Variants in TRAPPC9 observed in about 807,000 individuals in gnomAD.
TRAPPC9 encodes the protein IKK2 binding protein.
TRAPPC9 carries 83 observed loss-of-function variants against 124.0 expected under a neutral mutation model. The observed-to-expected ratio is 0.67, with a 90% confidence interval of 0.56 to 0.80. The LOEUF (loss-of-function observed/expected upper bound fraction) is 0.80, where lower values mean the gene tolerates loss of function less well. Ranked by LOEUF, TRAPPC9 falls within the 30% of genes least tolerant of loss-of-function variation. TRAPPC9 has a pLI of 0.00. For missense variants in TRAPPC9, 1,302 were observed against 1,508.3 expected, an observed-to-expected ratio of 0.86 and a Z score of 2.27; for synonymous variants, 638 against 617.5, an observed-to-expected ratio of 1.03 and a Z score of -0.49.
chr8:140,124,721 G>A (rs2061053069), intron 17 of TRAPPC9, among the ~76,000 whole-genome samples: 1 of 151,984 alleles, frequency 6.6e-6, no homozygotes, highest in South Asian at 2.1e-4. Flanking sequence ...GACCCTCCGA[G>A]GGGAGGACCA....
intron 19 of TRAPPC9, among the ~76,000 whole-genome samples, chr8:139,969,659 A>C (rs1177479155): frequency 6.6e-6 from 1 of 152,238 alleles, no homozygotes; most frequent in Non-Finnish European, 1.5e-5. Flanking sequence ...GTAGAGCACA[A>C]AGGTGTCAGC....
intron 19 of TRAPPC9, among the ~76,000 whole-genome samples, chr8:139,935,814 C>T (rs1406062258): frequency 6.6e-6 from 1 of 152,132 alleles, no homozygotes; most frequent in African/African-American, 2.4e-5. Flanking sequence ...TTTAACACAA[C>T]TTCAGAACAA....
chr8:139,910,951 A>C (rs181685199), intron 19 of TRAPPC9, among the ~76,000 whole-genome samples: 202 of 152,306 alleles, frequency 1.3e-3, no homozygotes, highest in Middle Eastern at 6.8e-3. Flanking sequence ...TTAATGTTGA[A>C]ATCAGTTAAG....
At chr8:140,263,861 C>T (rs1221019335) in intron 15 of TRAPPC9, among the ~76,000 whole-genome samples, 4 of 152,172 alleles carry the variant, frequency 2.6e-5, no homozygotes, top group African/African-American at 7.2e-5. Flanking sequence ...CCTGGCTACC[C>T]GGAGCCGGCT....
chr8:140,298,268 A>G (rs2065868893), intron 11 of TRAPPC9, among the ~76,000 whole-genome samples: 1 of 152,202 alleles, frequency 6.6e-6, no homozygotes, highest in African/African-American at 2.4e-5. Flanking sequence ...AGGCATTCGG[A>G]TAATTTACAA....
intron 2 of TRAPPC9, among the ~76,000 whole-genome samples, chr8:140,450,229 C>T (rs1281855653): frequency 3.9e-5 from 6 of 152,244 alleles, no homozygotes; most frequent in African/African-American, 1.2e-4. Flanking sequence ...GGCATGGTGG[C>T]ACCTGCCTGT....
chr8:140,294,269 C>G (rs1235525696), intron 11 of TRAPPC9, among the ~76,000 whole-genome samples: 1 of 152,090 alleles, frequency 6.6e-6, no homozygotes, highest in Non-Finnish European at 1.5e-5. Context: ...GGGAGCTCAC[C>G]CGACCTCCTC....
rs775832304 is a variant in TRAPPC9 at position 140,287,645 on chromosome 8, G to A, written c.1944C>T (p.Val648=). Residue 648 remains valine, a synonymous_variant, in exon 13 of 23, where the codon GTC becomes GTT. Coordinates refer to ENST00000438773, the MANE Select transcript of TRAPPC9 (RefSeq NM_001160372.4). ...AESGLYPVTL[V]GVPQTTGTIT... The stretch of plus-strand genomic sequence containing the variant: ...TCGTTCCAGTCGTCTGCGGGACCCC[G>A]ACGAGCGTCACTGGGTACAGACCAG... 24 of 1,614,028 alleles carry A rather than the reference G, an allele frequency of 1.5e-5. No homozygotes were observed. The highest frequency in any genetic ancestry group is 4.5e-5 in the East Asian group (2 of 44,894).
intron 9 of TRAPPC9, among the ~76,000 whole-genome samples, chr8:140,341,076 C>G (rs780515562): frequency 6.6e-6 from 1 of 152,166 alleles, no homozygotes; most frequent in African/African-American, 2.4e-5. Context: ...AAAAAGGCAA[C>G]TGGGCTTATT....
At chr8:140,154,386 G>A (rs898768294) in intron 17 of TRAPPC9, among the ~76,000 whole-genome samples, 7 of 151,752 alleles carry the variant, frequency 4.6e-5, no homozygotes, top group Admixed American at 6.6e-5. Context: ...GACCCCCTCC[G>A]CCTCCACACT....
At chr8:140,348,364 C>T (rs1439324857) in intron 9 of TRAPPC9, among the ~76,000 whole-genome samples, 1 of 152,194 alleles carries the variant, frequency 6.6e-6, no homozygotes, top group African/African-American at 2.4e-5. Flanking sequence ...AAAATCCAAC[C>T]TTGCAAGTCA....
At chr8:140,444,399 G>A (rs887182866) in intron 2 of TRAPPC9, among the ~76,000 whole-genome samples, 51 of 152,146 alleles carry the variant, frequency 3.4e-4, no homozygotes, top group African/African-American at 1.2e-3. Context: ...GGGTCCATGG[G>A]AAAGACAGTC....
chr8:139,947,907 T>TAGAGAGAGAGAG (rs59810983), intron 19 of TRAPPC9, among the ~76,000 whole-genome samples: 22 of 60,224 alleles, frequency 3.7e-4, no homozygotes, highest in East Asian at 1.3e-3. Context: ...TATATATATA[T>TAGAGAGAGAGAG]AGAGAGAGAG....
intron 17 of TRAPPC9, among the ~76,000 whole-genome samples, chr8:140,048,902 G>A (rs1841796468): frequency 6.6e-6 from 1 of 152,214 alleles, no homozygotes; most frequent in African/African-American, 2.4e-5. Context: ...GTCGAAGGCA[G>A]GAATCAGGTG....
intron 21 of TRAPPC9, among the ~76,000 whole-genome samples, chr8:139,758,124 C>T (rs990777628): frequency 6.6e-6 from 1 of 152,254 alleles, no homozygotes; most frequent in African/African-American, 2.4e-5. Context: ...AAGGGAATCC[C>T]GTGACAGCGG....
intron 17 of TRAPPC9, among the ~76,000 whole-genome samples, chr8:140,092,256 G>A (rs554044260): frequency 6.7e-6 from 1 of 149,220 alleles, no homozygotes; most frequent in East Asian, 2.0e-4. Flanking sequence ...AGACTACAAG[G>A]GCGCAATCTC....
At chr8:139,864,871 C>T (rs1356925384) in intron 21 of TRAPPC9, among the ~76,000 whole-genome samples, 1 of 152,184 alleles carries the variant, frequency 6.6e-6, no homozygotes, top group East Asian at 1.9e-4. Context: ...GGACACATCC[C>T]AGTCGAAAGC....
chr8:140,080,977 T>C (rs1339515209), intron 17 of TRAPPC9, among the ~76,000 whole-genome samples: 3 of 152,200 alleles, frequency 2.0e-5, no homozygotes, highest in Non-Finnish European at 1.5e-5. Context: ...CCATAGCCCA[T>C]GGTGTCCACG....
chr8:140,194,949 G>A (rs28651404), intron 17 of TRAPPC9, among the ~76,000 whole-genome samples: 5,265 of 151,678 alleles, frequency 0.035, 289 homozygotes, highest in African/African-American at 0.12. Context: ...CACATTCAAC[G>A]ATCCACTGTA....
Sources: gnomAD v4.1 joint callset for allele counts (sites outside exome capture counted in the v4.1 genomes callset) on GRCh38, gnomAD v4.1.1 for gene constraint, MANE v1.5 for transcripts, NCBI Gene and HGNC (gene_info 2026-07-23, HGNC 2026-07-21) for gene names.